ZMAT4: variants seen among roughly 807,000 people sequenced by gnomAD.
ZMAT4 encodes zinc finger matrin-type 4.
A neutral mutation model predicts 28.7 loss-of-function variants in ZMAT4; 17 were observed. The ratio of observed to expected loss-of-function variants is 0.59; its 90% CI spans 0.41 to 0.89. ZMAT4 has a LOEUF of 0.89. Among genes scored for constraint, ZMAT4 ranks in the 40% least tolerant of loss-of-function variants. The pLI, the probability that ZMAT4 is intolerant of heterozygous loss-of-function variation, is 0.00. For missense variants in ZMAT4, 240 were observed against 283.8 expected (o/e 0.85, Z 1.11); for synonymous variants, 117 against 109.2 (o/e 1.07, Z -0.44).
chr8:40,624,988 GGTGAT>G (rs1205607415), intron 5 of ZMAT4, among the ~76,000 whole-genome samples: 1 of 152,192 alleles, frequency 6.6e-6, no homozygotes, highest in Non-Finnish European at 1.5e-5. Flanking sequence ...GTGGAATTAA[GGTGAT>G]GTGGTAAAAG....
At chr8:40,842,643 A>G (rs141205057) in intron 1 of ZMAT4, among the ~76,000 whole-genome samples, 33 of 152,342 alleles carry the variant, frequency 2.2e-4, no homozygotes, top group East Asian at 7.7e-4. Context: ...TAGAAAGTCC[A>G]TGAACAACTA....
intron 5 of ZMAT4, among the ~76,000 whole-genome samples, chr8:40,638,343 AT>A (rs1041041578): frequency 6.6e-5 from 10 of 152,312 alleles, no homozygotes; most frequent in African/African-American, 2.2e-4. Flanking sequence ...TGCAATTATG[AT>A]TTGTCAATTA....
intron 5 of ZMAT4, among the ~76,000 whole-genome samples, chr8:40,612,844 C>A (rs1448624039): frequency 2.6e-5 from 2 of 77,450 alleles, no homozygotes; most frequent in African/African-American, 7.0e-5. Context: ...CGAAGTCTTG[C>A]TCTTGTCCCC....
chr8:40,593,065 T>A (rs1282010338), intron 5 of ZMAT4, among the ~76,000 whole-genome samples: 1 of 152,214 alleles, frequency 6.6e-6, no homozygotes, highest in African/African-American at 2.4e-5. Context: ...TTTGTTGGTC[T>A]GGGTTTTGAT....
At chr8:40,594,207 G>A (rs936556834) in intron 5 of ZMAT4, among the ~76,000 whole-genome samples, 11 of 151,972 alleles carry the variant, frequency 7.2e-5, no homozygotes, top group African/African-American at 2.7e-4. Flanking sequence ...CACATGACGG[G>A]GCCTCCCAGT....
intron 1 of ZMAT4, among the ~76,000 whole-genome samples, chr8:40,826,692 T>C (rs1170081086): frequency 1.3e-5 from 2 of 152,090 alleles, no homozygotes; most frequent in East Asian, 1.9e-4. Context: ...TTTAGGGTGG[T>C]TGAATTCATA....
intron 5 of ZMAT4, among the ~76,000 whole-genome samples, chr8:40,636,226 A>G (rs917760449): frequency 5.9e-5 from 9 of 152,258 alleles, no homozygotes; most frequent in African/African-American, 1.9e-4. Flanking sequence ...ACACACACAC[A>G]GTGTGCAGCC....
chr8:40,728,851 G>T (rs576007354), intron 3 of ZMAT4, among the ~76,000 whole-genome samples: 1 of 151,968 alleles, frequency 6.6e-6, no homozygotes, highest in Non-Finnish European at 1.5e-5. Flanking sequence ...TAGTCAACCC[G>T]CCATTCCCCG....
Position 40,584,711 on chromosome 8 carries a change from G to C in ZMAT4, c.578-3450C>G, listed in dbSNP as rs545753633. Among the ~76,000 whole-genome samples the C allele has an allele frequency of 2.6e-5, 4 of 152,134 alleles. No homozygotes were observed. The South Asian group carries it at 8.3e-4, about 32-fold the overall frequency. On this transcript the variant is annotated intron_variant, in intron 5 of 6. Coordinates refer to ENST00000297737, the MANE Select transcript of ZMAT4 (RefSeq NM_024645.3). ...GCGAGTGACATGATGTCAGCTCACT[G>C]CAACCTCCGCCTCCCGAGTTCAAGC...
At chr8:40,696,015 A>C (rs923696418) in intron 4 of ZMAT4, among the ~76,000 whole-genome samples, 1 of 151,958 alleles carries the variant, frequency 6.6e-6, no homozygotes, top group Non-Finnish European at 1.5e-5. Flanking sequence ...TTTGATGGGG[A>C]GTAGGTTACA....
At chr8:40,760,063 T>C (rs1478060474) in intron 3 of ZMAT4, among the ~76,000 whole-genome samples, 1 of 152,152 alleles carries the variant, frequency 6.6e-6, no homozygotes, top group Non-Finnish European at 1.5e-5. Flanking sequence ...CCCACTCTTA[T>C]GCTTGTGCGA....
intron 1 of ZMAT4, among the ~76,000 whole-genome samples, chr8:40,866,321 C>A (rs1190453927): frequency 6.6e-6 from 1 of 152,230 alleles, no homozygotes; most frequent in African/African-American, 2.4e-5. Flanking sequence ...AGGGCTGGCA[C>A]TGGGACGCCC....
chr8:40,691,005 C>A, intron 4 of ZMAT4: 1 of 821,686 alleles, frequency 1.2e-6, no homozygotes. Context: ...TGCTACCAAT[C>A]CACTTAGTGA....
intron 5 of ZMAT4, among the ~76,000 whole-genome samples, chr8:40,669,092 A>G (rs566975578): frequency 2.2e-4 from 33 of 152,196 alleles, no homozygotes; most frequent in Admixed American, 2.0e-3. Flanking sequence ...TAGAGAAAAC[A>G]TTATGAAAGT....
chr8:40,781,761 CAAAAAAAAAA>C (rs59432510), intron 2 of ZMAT4, among the ~76,000 whole-genome samples: 35 of 38,516 alleles, frequency 9.1e-4, no homozygotes, highest in Non-Finnish European at 1.2e-3. Flanking sequence ...GACTCCGTCT[CAAAAAAAAAA>C]AAAAAAAAAA....
At chr8:40,823,640 C>T (rs577830955) in intron 2 of ZMAT4, among the ~76,000 whole-genome samples, 1 of 152,098 alleles carries the variant, frequency 6.6e-6, no homozygotes, top group Admixed American at 6.5e-5. Flanking sequence ...GCCTGGGTGA[C>T]AGAGTGAGAC....
intron 4 of ZMAT4, among the ~76,000 whole-genome samples, chr8:40,682,610 T>C (rs1809225058): frequency 1.3e-5 from 2 of 152,218 alleles, no homozygotes; most frequent in South Asian, 4.1e-4. Context: ...ATATATCCGA[T>C]GTTTCAAAAT....
chr8:40,575,075 G>T (rs1285568009), intron 6 of ZMAT4, among the ~76,000 whole-genome samples: 1 of 152,172 alleles, frequency 6.6e-6, no homozygotes, highest in Non-Finnish European at 1.5e-5. Context: ...GCTCACATGA[G>T]TGGCTGCAAC....
intron 4 of ZMAT4, among the ~76,000 whole-genome samples, chr8:40,684,783 T>G (rs1415366831): frequency 6.6e-6 from 1 of 152,182 alleles, no homozygotes; most frequent in Non-Finnish European, 1.5e-5. Context: ...GGTGGCCTTT[T>G]GTCCTGGGCT....
Sources: gnomAD v4.1 joint callset for allele counts (sites outside exome capture counted in the v4.1 genomes callset) on GRCh38, gnomAD v4.1.1 for gene constraint, MANE v1.5 for transcripts, NCBI Gene and HGNC (gene_info 2026-07-23, HGNC 2026-07-21) for gene names.